CHAF1A: variants seen among roughly 807,000 people sequenced by gnomAD.
CHAF1A encodes CAF-1 subunit A.
CHAF1A carries 5 observed loss-of-function variants against 93.2 expected under a neutral mutation model. That is an observed-to-expected ratio of 0.05 (90% CI 0.03 to 0.11). CHAF1A has a LOEUF of 0.11. CHAF1A is among the 10% of genes least tolerant of loss of function. The probability of loss-of-function intolerance (pLI) is 1.00; values close to 1 mark genes in which losing one functional copy is unlikely to be tolerated. For synonymous variants in CHAF1A, 504 were observed against 510.3 expected, an observed-to-expected ratio of 0.99 and a Z score of 0.17; for missense variants, 1,102 against 1,259.9, an observed-to-expected ratio of 0.87 and a Z score of 1.90.
chr19:4,443,078 T>C lies in CHAF1A; in HGVS notation c.*53T>C, dbSNP rs1163135264. The C allele has an allele frequency of 3.4e-6, 4 of 1,169,320 alleles. No individual in the cohort carries two copies. In the African/African-American group the frequency reaches 6.1e-5, roughly 18 times the overall value. The allele number at this position is 1,169,320 out of a possible 1,614,324, so 72.4% of individuals were successfully genotyped here. On this transcript the variant is annotated 3_prime_UTR_variant, in exon 15 of 15. Coordinates refer to ENST00000301280, the MANE Select transcript of CHAF1A (RefSeq NM_005483.3). ...TAGGGTGTCCTCCCCACAGAGCAGA[T>C]ACTTGAACCGACTCAATTCCTGTGT...
chr19:4,446,893 G>A (rs754248747), downstream of CHAF1A: 1 of 1,613,978 alleles, frequency 6.2e-7, no homozygotes, highest in Non-Finnish European at 8.5e-7. Flanking sequence ...AAAAACTCGT[G>A]GGTCCCTTCC....
In CHAF1A at chr19:4,408,964, C is replaced by T. The variant is rs368639662; in HGVS notation, c.165C>T (p.Asp55=). 1.3e-4 allele frequency: 212 copies of T among 1,613,862 alleles called. 2 individuals are homozygous for T. The South Asian group carries it at 2.2e-3, about 17-fold the overall frequency. ...VPKGKADDMS[D]DQGTSVQSKS... ...AGGGGAAAGCCGATGACATGTCAGA[C>T]GATCAGGGTACTTCTGTGCAAAGTA... Residue 55 remains aspartate (D), a synonymous_variant, in exon 3 of 15, where the codon GAC becomes GAT. Coordinates refer to ENST00000301280, the MANE Select transcript of CHAF1A (RefSeq NM_005483.3).
At chr19:4,429,172 C>T (rs1025959867) in intron 8 of CHAF1A, 2 of 592,526 alleles carry the variant, frequency 3.4e-6, no homozygotes, top group Non-Finnish European at 6.0e-6. Context: ...TCTTGCAAAT[C>T]TCATTCCACA....
chr19:4,434,519 A>T (rs573610350), intron 13 of CHAF1A, among the ~76,000 whole-genome samples: 2 of 151,976 alleles, frequency 1.3e-5, no homozygotes, highest in African/African-American at 4.8e-5. Flanking sequence ...TGCCCGTCCA[A>T]TCCCTTGGAA....
intron 10 of CHAF1A, chr19:4,430,137 T>G (rs916391335): frequency 2.6e-5 from 9 of 351,752 alleles, no homozygotes; most frequent in Non-Finnish European, 1.6e-5. Flanking sequence ...ATGCTCACCG[T>G]GTCTGTCGGG....
intron 13 of CHAF1A, among the ~76,000 whole-genome samples, chr19:4,438,277 T>C (rs1295779072): frequency 6.6e-6 from 1 of 152,168 alleles, no homozygotes; most frequent in African/African-American, 2.4e-5. Flanking sequence ...GCATGTGATA[T>C]TTGGTTTTCT....
downstream of CHAF1A, chr19:4,443,418 C>G (rs926841281): frequency 9.8e-6 from 2 of 203,278 alleles, no homozygotes; most frequent in African/African-American, 2.4e-5. Flanking sequence ...CTGTCTTTTC[C>G]GAAAACATTG....
chr19:4,446,170 C>T (rs965247416), downstream of CHAF1A: 2 of 1,608,774 alleles, frequency 1.2e-6, no homozygotes, highest in Admixed American at 1.7e-5. Flanking sequence ...GTACACCGCC[C>T]CCAGCCGCTC....
At chr19:4,427,128 G>C (rs1209252363) in intron 7 of CHAF1A, among the ~76,000 whole-genome samples, 10 of 69,456 alleles carry the variant, frequency 1.4e-4, no homozygotes, top group Non-Finnish European at 2.2e-4. Context: ...TTCAAAAAAA[G>C]ACCCTGTCTT....
chr19:4,446,669 G>A (rs1304223270), downstream of CHAF1A: 5 of 1,612,052 alleles, frequency 3.1e-6, no homozygotes, highest in Non-Finnish European at 4.2e-6. Flanking sequence ...TCCAGGCTCT[G>A]GGGCTGGGCC....
intron 14 of CHAF1A, 61 bp from the exon 15 acceptor site, chr19:4,442,864 C>A: frequency 1.5e-6 from 2 of 1,300,208 alleles, no homozygotes; most frequent in Non-Finnish European, 1.0e-6. Flanking sequence ...AGGGTGGGGT[C>A]TTCCCCCAGG....
chr19:4,429,916 T>TTCA, intron 10 of CHAF1A, 128 bp downstream of exon 10: 1 of 805,540 alleles, frequency 1.2e-6, no homozygotes, highest in Non-Finnish European at 2.0e-6. Flanking sequence ...ACCTGCTGTG[T>TTCA]GGTCTGAAAC....
At chr19:4,447,755 G>T, downstream of CHAF1A, 1 of 897,364 alleles carries the variant, frequency 1.1e-6, no homozygotes, top group Non-Finnish European at 1.8e-6. Context: ...GCGGCCCAGT[G>T]ACGCGAGGGC....
chr19:4,402,783 CG>C lies in CHAF1A; in HGVS notation c.25del (p.Ala9ArgfsTer24). 1 of 1,204,694 alleles carries C rather than the reference CG, an allele frequency of 8.3e-7. No individual in the cohort carries two copies. 74.6% of individuals were successfully genotyped at this position (1,204,694 alleles called of 1,614,324 possible). ...GGGCGATGCTGGAGGAGCTGGAGTG[CG>C]GGGCGCCCGGCGCCAGGGGAGCCGC... MLEELEC[G>X]APGARGAATA... is the part of the protein sequence containing the mutation. On this transcript the variant is annotated frameshift_variant, in exon 1 of 15. Transcript: ENST00000301280. LOFTEE classifies it high-confidence loss of function.
At chr19:4,436,143 A>G (rs538671260) in intron 13 of CHAF1A, among the ~76,000 whole-genome samples, 1 of 149,046 alleles carries the variant, frequency 6.7e-6, no homozygotes, top group Admixed American at 6.6e-5. Context: ...TAGTCCCCCA[A>G]AAAAAAAAGA....
chr19:4,417,596 G>C lies in CHAF1A; in HGVS notation c.961-424G>C, dbSNP rs370941400. Among the ~76,000 whole-genome samples, 3 of 152,048 alleles carry C rather than the reference G, an allele frequency of 2.0e-5. No homozygotes were observed. The South Asian group carries it at 6.2e-4, about 32-fold the overall frequency. ...CTGCCTCAGCCTCCTGAGTAGGTGG[G>C]ATTACAGGCACCTGCCACCACGCTC... is the stretch of plus-strand genomic sequence containing the variant. On this transcript the variant is annotated intron_variant, in intron 3 of 14. Transcript: ENST00000301280.
intron 3 of CHAF1A, among the ~76,000 whole-genome samples, chr19:4,410,329 A>C (rs1262096953): frequency 1.3e-5 from 2 of 151,922 alleles, no homozygotes; most frequent in Admixed American, 6.6e-5. Context: ...GATCGCTTGA[A>C]GATCACTTCA....
chr19:4,407,449 G>A (rs1973701646), intron 2 of CHAF1A, among the ~76,000 whole-genome samples: 1 of 143,556 alleles, frequency 7.0e-6, no homozygotes, highest in Admixed American at 7.3e-5. Flanking sequence ...AGCCTAGGGT[G>A]CTGAGGCCAG....
chr19:4,438,482 A>G (rs1974327335), intron 13 of CHAF1A, among the ~76,000 whole-genome samples: 1 of 152,036 alleles, frequency 6.6e-6, no homozygotes, highest in Non-Finnish European at 1.5e-5. Flanking sequence ...TACAGACCTG[A>G]GCCAGGGAGT....
Sources: gnomAD v4.1 joint callset for allele counts (sites outside exome capture counted in the v4.1 genomes callset) on GRCh38, gnomAD v4.1.1 for gene constraint, MANE v1.5 for transcripts, NCBI Gene and HGNC (gene_info 2026-07-23, HGNC 2026-07-21) for gene names.